SLC24A2: variants seen among roughly 807,000 people sequenced by gnomAD.
SLC24A2 encodes sodium/potassium/calcium exchanger 2.
SLC24A2 carries 36 observed loss-of-function variants against 62.0 expected under a neutral mutation model. The ratio of observed to expected loss-of-function variants is 0.58; its 90% CI spans 0.44 to 0.77. SLC24A2 has a LOEUF of 0.77. Among genes scored for constraint, SLC24A2 ranks in the 30% least tolerant of loss-of-function variants. SLC24A2 has a pLI of 0.00. For missense variants in SLC24A2, 846 were observed against 817.9 expected (o/e 1.03, Z -0.42); for synonymous variants, 358 against 294.0 (o/e 1.22, Z -2.23).
intron 8 of SLC24A2, among the ~76,000 whole-genome samples, chr9:19,537,083 C>T (rs373461105): frequency 5.0e-4 from 75 of 150,786 alleles, no homozygotes; most frequent in African/African-American, 1.8e-3. Context: ...TTTGAGTTCA[C>T]TGTAGATTCT....
chr9:20,183,762 G>A, the SLC24A2 span, among the ~76,000 whole-genome samples: 3 of 152,234 alleles, frequency 2.0e-5, no homozygotes, highest in Admixed American at 1.3e-4. Context: ...GACTGATCTT[G>A]AGAGCTAGAG....
At chr9:20,096,559 T>C in the SLC24A2 span, among the ~76,000 whole-genome samples, 2 of 152,180 alleles carry the variant, frequency 1.3e-5, no homozygotes, top group Non-Finnish European at 2.9e-5. Flanking sequence ...CTTTTTATCT[T>C]GGCATTTTAT....
chr9:19,630,147 C>A (rs1818140315), intron 2 of SLC24A2, among the ~76,000 whole-genome samples: 1 of 152,022 alleles, frequency 6.6e-6, no homozygotes, highest in African/African-American at 2.4e-5. Context: ...TACCTGTGGC[C>A]TAATCATTAC....
intron 2 of SLC24A2, among the ~76,000 whole-genome samples, chr9:19,695,313 C>T (rs1000572699): frequency 1.3e-5 from 2 of 152,044 alleles, no homozygotes; most frequent in African/African-American, 4.8e-5. Flanking sequence ...TCCCATGCCT[C>T]CATTACTCAC....
the SLC24A2 span, among the ~76,000 whole-genome samples, chr9:20,007,050 TA>T: frequency 3.3e-5 from 5 of 152,182 alleles, no homozygotes; most frequent in Non-Finnish European, 7.3e-5. Flanking sequence ...CTTTCTCTAG[TA>T]AAATCCCAAC....
At chr9:20,151,748 C>G in the SLC24A2 span, among the ~76,000 whole-genome samples, 2 of 151,866 alleles carry the variant, frequency 1.3e-5, no homozygotes, top group East Asian at 3.9e-4. Flanking sequence ...GAGTAGCTCT[C>G]AGCTCTCAAT....
At chr9:19,635,757 T>C (rs979064528) in intron 2 of SLC24A2, among the ~76,000 whole-genome samples, 3 of 152,254 alleles carry the variant, frequency 2.0e-5, no homozygotes, top group African/African-American at 2.4e-5. Flanking sequence ...GTTGGCTTTA[T>C]CAATATGTCT....
At chr9:19,644,400 T>G (rs1048694694) in intron 2 of SLC24A2, among the ~76,000 whole-genome samples, 1 of 152,222 alleles carries the variant, frequency 6.6e-6, no homozygotes, top group Non-Finnish European at 1.5e-5. Flanking sequence ...TCTTTGTATT[T>G]TTACATAGAT....
At chr9:19,746,073 T>C (rs1233778488) in intron 2 of SLC24A2, among the ~76,000 whole-genome samples, 3 of 151,698 alleles carry the variant, frequency 2.0e-5, no homozygotes, top group African/African-American at 7.2e-5. Flanking sequence ...ACTGACATCA[T>C]GCATTTCCCT....
chr9:19,884,610 A>T, the SLC24A2 span, among the ~76,000 whole-genome samples: 1 of 152,188 alleles, frequency 6.6e-6, no homozygotes, highest in South Asian at 2.1e-4. Context: ...ATATAAACAT[A>T]TGGTTCCTGG....
intron 2 of SLC24A2, among the ~76,000 whole-genome samples, chr9:19,701,025 G>T (rs1337027249): frequency 1.3e-5 from 2 of 152,162 alleles, no homozygotes; most frequent in East Asian, 3.9e-4. Flanking sequence ...CAAGAGCTAA[G>T]ATTAAAGTAT....
At chr9:20,205,078 G>C in the SLC24A2 span, among the ~76,000 whole-genome samples, 2 of 152,062 alleles carry the variant, frequency 1.3e-5, no homozygotes, top group African/African-American at 4.8e-5. Context: ...CGACCCTTCA[G>C]TTGAATTGCT....
chr9:20,079,311 C>T, the SLC24A2 span, among the ~76,000 whole-genome samples: 1 of 152,136 alleles, frequency 6.6e-6, no homozygotes, highest in African/African-American at 2.4e-5. Flanking sequence ...TTATGACACC[C>T]CTAGGAAAAA....
At chr9:20,149,989 C>G in the SLC24A2 span, among the ~76,000 whole-genome samples, 2 of 152,096 alleles carry the variant, frequency 1.3e-5, no homozygotes, top group South Asian at 4.1e-4. Context: ...CTTCCCACAC[C>G]CTTATAGTCA....
the SLC24A2 span, among the ~76,000 whole-genome samples, chr9:19,805,308 A>G: frequency 6.6e-6 from 1 of 152,212 alleles, no homozygotes; most frequent in South Asian, 2.1e-4. Flanking sequence ...TGACAATACC[A>G]TAAACAGACA....
the SLC24A2 span, among the ~76,000 whole-genome samples, chr9:19,884,961 G>A: frequency 1.3e-5 from 2 of 152,118 alleles, no homozygotes; most frequent in Non-Finnish European, 2.9e-5. Flanking sequence ...GGTAAGTTGA[G>A]GAGCATCTGT....
the SLC24A2 span, among the ~76,000 whole-genome samples, chr9:20,152,640 T>G: frequency 2.0e-5 from 3 of 151,684 alleles, no homozygotes; most frequent in Non-Finnish European, 4.4e-5. Context: ...AGTCTGGGAG[T>G]GAAATTGCCT....
intron 2 of SLC24A2, among the ~76,000 whole-genome samples, chr9:19,785,720 G>A (rs1232592772): frequency 1.3e-5 from 2 of 152,180 alleles, no homozygotes; most frequent in East Asian, 3.8e-4. Context: ...TTACTCTGAA[G>A]CAAGTAGCTG....
chr9:19,639,180 T>G (rs953842443), intron 2 of SLC24A2, among the ~76,000 whole-genome samples: 7 of 152,092 alleles, frequency 4.6e-5, no homozygotes, highest in African/African-American at 1.5e-4. Flanking sequence ...ATAATAACCT[T>G]GTTAAAAAGC....
Sources: gnomAD v4.1 joint callset for allele counts (sites outside exome capture counted in the v4.1 genomes callset) on GRCh38, gnomAD v4.1.1 for gene constraint, MANE v1.5 for transcripts, NCBI Gene and HGNC (gene_info 2026-07-23, HGNC 2026-07-21) for gene names.